The following ME2 variants were observed in gnomAD, a reference collection of about 807,000 sequenced individuals.
ME2 encodes the protein malic enzyme 2, also known as NAD-dependent malic enzyme, mitochondrial.
ME2 carries 60 observed loss-of-function variants against 73.7 expected under a neutral mutation model. The ratio of observed to expected loss-of-function variants is 0.81; its 90% CI spans 0.66 to 1.01. ME2 has a LOEUF of 1.01. Among genes scored for constraint, ME2 ranks in the 50% least tolerant of loss-of-function variants. The probability of loss-of-function intolerance (pLI) is 0.00; values close to 1 mark genes in which losing one functional copy is unlikely to be tolerated. For synonymous variants in ME2, 199 were observed against 236.9 expected (o/e 0.84, Z 1.47); for missense variants, 594 against 705.5 (o/e 0.84, Z 1.79).
intron 12 of ME2, among the ~76,000 whole-genome samples, chr18:50,931,970 T>G (rs964427428): frequency 1.3e-5 from 2 of 152,138 alleles, no homozygotes; most frequent in East Asian, 1.9e-4. Flanking sequence ...GGTGTAAGCT[T>G]CTGTGCCTGG....
rs1422142044 is a variant in ME2, at chr18:50,920,463, C to T, written c.742C>T (p.Arg248Trp). The change falls in exon 8 of 16, where the codon CGG (arginine) becomes TGG (tryptophan). Residue 248 changes from arginine (R) to tryptophan (W), a missense_variant. Arg to Trp is a moderately radical substitution (Grantham distance 101, BLOSUM62 -3). Transcript: ENST00000321341. ...FMKAITDRYG[R>W]NTLIQFEDFG... is the part of the protein sequence containing the mutation. ...GGGTTTTGCTGTTTTTAGATATGGC[C>T]GGAACACACTCATTCAGTTCGAAGA... 6.9e-6 allele frequency: 11 copies of T among 1,593,680 alleles called. No homozygotes were observed. The highest frequency in any genetic ancestry group is 4.5e-5 in the East Asian group (2 of 44,588).
rs149627175 is a variant in ME2 at position 50,905,073 on chromosome 18, G to A, written c.109-2990G>A. 9.1e-3 allele frequency among the ~76,000 whole-genome samples: 1,380 copies of A among 151,928 alleles called. 20 individuals carry two copies. Among genetic ancestry groups the A allele is most frequent in the African/African-American group, 0.032 (1,329 of 41,414 alleles). ...ACGATCTTGGCTCACTGCAGCCTCC[G>A]CCTCCCGGGTTCAAGCAATTCTCCT... On this transcript the variant is annotated intron_variant, in intron 2 of 15. Coordinates refer to ENST00000321341, the MANE Select transcript of ME2 (RefSeq NM_002396.5).
intron 15 of ME2, among the ~76,000 whole-genome samples, chr18:50,946,722 GCCCCTC>G (rs1918092347): frequency 6.6e-6 from 1 of 152,120 alleles, no homozygotes; most frequent in African/African-American, 2.4e-5. Context: ...TAGTCTCTGT[GCCCCTC>G]TAGAAAGGCC....
At chr18:50,918,016 T>A in intron 6 of ME2, 94 bp from the exon 7 acceptor site, 1 of 681,752 alleles carries the variant, frequency 1.5e-6, no homozygotes. Context: ...ATTTAAAAAA[T>A]TGTATTAGTA....
At chr18:50,940,193 G>A (rs1917913274) in intron 14 of ME2, 95 bp from the exon 15 acceptor site, 1 of 823,326 alleles carries the variant, frequency 1.2e-6, no homozygotes. Flanking sequence ...TATATTACCT[G>A]TTTTACTCTC....
intron 12 of ME2, among the ~76,000 whole-genome samples, chr18:50,931,498 G>A (rs972854434): frequency 2.0e-5 from 3 of 152,046 alleles, no homozygotes; most frequent in African/African-American, 4.8e-5. Context: ...TTTTCATGAT[G>A]GCAAAATTAA....
intron 3 of ME2, among the ~76,000 whole-genome samples, chr18:50,911,124 A>T (rs1253834108): frequency 1.3e-5 from 2 of 152,224 alleles, no homozygotes; most frequent in African/African-American, 2.4e-5. Flanking sequence ...GGTAACATTG[A>T]GGAGATCCAT....
At position 50,897,861 on chromosome 18, in the gene ME2, A is replaced by G. The variant is rs539599835; in HGVS notation, c.108+1933A>G. 8.1e-3 allele frequency among the ~76,000 whole-genome samples: 1,148 copies of G among 142,550 alleles called. 6 individuals are homozygous for G. Among genetic ancestry groups the G allele is most frequent in the Middle Eastern group, 0.021 (6 of 282 alleles). 93.5% of individuals were successfully genotyped at this position (142,550 alleles called of 152,430 possible). A position where few individuals can be genotyped will look rare whatever the true frequency, so the allele number is the denominator to read the frequency against. ...GCAAGAAGAGCGAAACTCCATCTCA[A>G]AAAAAAAAAGAAAAAGAAAAAGAAA... On this transcript the variant is annotated intron_variant, in intron 2 of 15. Coordinates refer to ENST00000321341, the MANE Select transcript of ME2 (RefSeq NM_002396.5).
Position 50,947,227 on chromosome 18 carries a change from C to CT in ME2, c.*49dup, listed in dbSNP as rs1321262047. ...ATACTTTCTGTGCTCCAGGGAACCC[C>CT]TTTTTTCAGACAAGAAGAGATAATG... On this transcript the variant is annotated 3_prime_UTR_variant, in exon 16 of 16. Transcript: ENST00000321341. 1.9e-6 allele frequency: 3 copies of CT among 1,572,690 alleles called. No homozygotes were observed. The highest frequency in any genetic ancestry group is 2.3e-4 in the Middle Eastern group (1 of 4,318).
chr18:50,908,167 CTT>C lies in ME2; in HGVS notation c.214_215del (p.Leu72GlufsTer5). The C allele has an allele frequency of 2.5e-6, 4 of 1,602,712 alleles. No individual in the cohort carries two copies. The highest frequency in any genetic ancestry group is 3.4e-6 in the Non-Finnish European group (4 of 1,176,024). On this transcript the variant is annotated frameshift_variant, in exon 3 of 16. Coordinates refer to ENST00000321341, the MANE Select transcript of ME2 (RefSeq NM_002396.5). LOFTEE classifies it high-confidence loss of function. The part of the protein sequence containing the change: ...DIQALRFHRN[L>X]KKMTSPLEKY... ...TTCAAGCCTTACGATTTCATAGAAA[CTT>C]GAAGAAAATGACTAGCCCTTTGGAA...
At chr18:50,928,160 G>A (rs1211030539) in intron 12 of ME2, among the ~76,000 whole-genome samples, 2 of 150,438 alleles carry the variant, frequency 1.3e-5, no homozygotes, top group Non-Finnish European at 1.5e-5. Flanking sequence ...TTTTCTGATG[G>A]TAACAAATAT....
chr18:50,929,246 A>T (rs533630448), intron 12 of ME2, among the ~76,000 whole-genome samples: 22 of 151,750 alleles, frequency 1.4e-4, no homozygotes, highest in Admixed American at 9.2e-4. Flanking sequence ...TGGAATGCCA[A>T]GGTGGGCAGA....
chr18:50,947,420 C>A lies in ME2; in HGVS notation c.*236C>A. ...TGATGCTTTAATTCTAACATACAGC[C>A]CGTACCACATCCAGGAGATGTAAAA... On this transcript the variant is annotated 3_prime_UTR_variant, in exon 16 of 16. Coordinates refer to ENST00000321341, the MANE Select transcript of ME2 (RefSeq NM_002396.5). 2.1e-6 allele frequency: 1 copy of A among 467,160 alleles called. No individual in the cohort carries two copies. Among genetic ancestry groups the A allele is most frequent in the Non-Finnish European group, 3.8e-6 (1 of 263,332 alleles). 28.9% of individuals were successfully genotyped at this position (467,160 alleles called of 1,614,324 possible).
Position 50,921,140 on chromosome 18 carries a change from G to A in ME2, c.1009G>A (p.Ala337Thr), listed in dbSNP as rs764835685. Residue 337 changes from alanine to threonine, a missense_variant, in exon 10 of 16, where the codon GCA becomes ACA. Transcript: ENST00000321341. The stretch of plus-strand genomic sequence containing the variant: ...AGAAAATGGCCTGTCAGAACAAGAG[G>A]CACAAAAGAAAATCTGGATGTTTGA... ...MVENGLSEQE[A>T]QKKIWMFDKY... The A allele has an allele frequency of 3.0e-5, 48 of 1,602,452 alleles. No individual in the cohort carries two copies. Among genetic ancestry groups the A allele is most frequent in the Non-Finnish European group, 3.8e-5 (45 of 1,174,636 alleles).
intron 10 of ME2, among the ~76,000 whole-genome samples, 190 bp downstream of exon 10, chr18:50,921,377 A>G (rs757440870): frequency 1.8e-4 from 28 of 152,180 alleles, no homozygotes; most frequent in Non-Finnish European, 3.8e-4. Flanking sequence ...TTCATATTGA[A>G]TTAATAATCT....
chr18:50,918,347 T>A, intron 7 of ME2, 134 bp downstream of exon 7: 1 of 538,730 alleles, frequency 1.9e-6, no homozygotes, highest in South Asian at 2.9e-5. Flanking sequence ...TTTGAGAACT[T>A]TGTTCTGCCT....
At chr18:50,931,709 C>T (rs1917694163) in intron 12 of ME2, among the ~76,000 whole-genome samples, 1 of 149,438 alleles carries the variant, frequency 6.7e-6, no homozygotes, top group Admixed American at 6.7e-5. Context: ...GAGTCTCGCT[C>T]TGTTGCCCAG....
chr18:50,920,553 G>T lies in ME2; in HGVS notation c.832G>T (p.Asp278Tyr), dbSNP rs780078846. The change falls in exon 8 of 16, where the codon GAT becomes TAT. Residue 278 changes from aspartate to tyrosine, a missense_variant. By Grantham distance (160) the Asp-to-Tyr change is radical. Transcript: ENST00000321341. ...KYREKYCTFN[D>Y]DIQGTAAVAL... The stretch of plus-strand genomic sequence containing the variant: ...CCGAGAAAAATATTGTACTTTCAAT[G>T]ATGATATTCAAGGTAAAGCAAAAAA... 6.3e-7 allele frequency: 1 copy of T among 1,587,798 alleles called. No homozygotes were observed. The highest frequency in any genetic ancestry group is 2.2e-5 in the East Asian group (1 of 44,586).
At chr18:50,937,824 A>G (rs185484062) in intron 13 of ME2, among the ~76,000 whole-genome samples, 88 of 152,304 alleles carry the variant, frequency 5.8e-4, no homozygotes, top group Non-Finnish European at 4.4e-5. Flanking sequence ...AGCCAATCCA[A>G]GAGGTACAAT....
Sources: allele counts gnomAD v4.1 joint callset (sites outside exome capture counted in the v4.1 genomes callset), GRCh38; gene constraint gnomAD v4.1.1; transcripts MANE v1.5; gene names NCBI Gene and HGNC (gene_info 2026-07-23, HGNC 2026-07-21).